Variants in CCDC3 observed in about 807,000 individuals in gnomAD.
CCDC3 encodes coiled-coil domain containing 3.
A neutral mutation model predicts 21.4 loss-of-function variants in CCDC3; 24 were observed. That is an observed-to-expected ratio of 1.12 (90% CI 0.81 to 1.58). The LOEUF (loss-of-function observed/expected upper bound fraction) is 1.58. Among genes scored for constraint, CCDC3 ranks in the 40% most tolerant of loss-of-function variants. The pLI is 0.00. For synonymous variants in CCDC3, 186 were observed against 166.0 expected (o/e 1.12, Z -0.93); for missense variants, 425 against 360.9 (o/e 1.18, Z -1.44).
At chr10:12,943,571 G>A (rs537881421) in intron 2 of CCDC3, among the ~76,000 whole-genome samples, 54 of 152,034 alleles carry the variant, frequency 3.6e-4, no homozygotes, top group East Asian at 1.7e-3. Flanking sequence ...TTTCTTTGTC[G>A]CCACATGTGC....
intron 2 of CCDC3, among the ~76,000 whole-genome samples, chr10:13,098,874 G>T (rs1007817454): frequency 1.3e-5 from 2 of 151,556 alleles, no homozygotes; most frequent in African/African-American, 4.9e-5. Context: ...GTACCATCAT[G>T]CCCGGCTAAT....
chr10:13,037,981 G>C (rs1019875941), intron 5 of CCDC3, among the ~76,000 whole-genome samples: 1 of 152,042 alleles, frequency 6.6e-6, no homozygotes, highest in Admixed American at 6.6e-5. Flanking sequence ...CCCCAGCCAG[G>C]TCTCCAACAG....
Position 13,058,311 on chromosome 10 carries a change from CTTGGCCTTCAT to C in CCDC3, c.-269-8381_-269-8371del, listed in dbSNP as rs1044955573. On this transcript the variant is annotated intron_variant, in intron 4 of 6. Transcript: ENST00000378839. ...TCGTATTCATCGCCAGTCACCTTCACTTGGCCTTCATAGATCTTGTCCATGCCAAACCTACT... is the reference window on the plus strand; with the variant it reads ...TCGTATTCATCGCCAGTCACCTTCACAGATCTTGTCCATGCCAAACCTACT... The C allele has an allele frequency of 1.0e-5, 14 of 1,356,764 alleles. No homozygotes were observed. In the African/African-American group the frequency reaches 1.6e-4, roughly 15 times the overall value. The allele number at this position is 1,356,764 out of a possible 1,614,324, so 84.0% of individuals were successfully genotyped here. A position where few individuals can be genotyped will look rare whatever the true frequency, so the allele number is the denominator to read the frequency against.
chr10:13,016,292 C>G (rs1208756768), intron 5 of CCDC3, among the ~76,000 whole-genome samples: 2 of 120,444 alleles, frequency 1.7e-5, no homozygotes, highest in African/African-American at 3.2e-5. Flanking sequence ...GAGTTGAGCT[C>G]AAGATTTTCT....
rs567438415 is a variant in CCDC3, at chr10:13,052,128, G to T, written c.-269-2187C>A. ...GGCGGCACACACCTGTGATCCCAGC[G>T]CTTTGAGAGGCTGAGAAGCAGGGAT... On this transcript the variant is annotated intron_variant, in intron 4 of 6. Transcript: ENST00000378839. Among the ~76,000 whole-genome samples, 59 of 152,206 alleles carry T rather than the reference G, an allele frequency of 3.9e-4. 1 individual carries two copies. The South Asian group carries it at 6.0e-3, about 16-fold the overall frequency.
At chr10:13,014,127 G>T (rs1404544596) in intron 5 of CCDC3, among the ~76,000 whole-genome samples, 2 of 151,842 alleles carry the variant, frequency 1.3e-5, no homozygotes, top group African/African-American at 2.4e-5. Context: ...CTCCAGCCTG[G>T]GTGACAAAGT....
At chr10:12,998,597 G>C in intron 1 of CCDC3, 85 bp from the exon 2 acceptor site, 2 of 1,282,810 alleles carry the variant, frequency 1.6e-6, no homozygotes, top group Non-Finnish European at 2.2e-6. Context: ...CAACTGCAAC[G>C]GGCTTGCCAA....
chr10:12,993,911 G>A lies in CCDC3; in HGVS notation c.549+4427C>T, dbSNP rs373191685. ...CTGAGTTGAATGTCACCCTGCATAT[G>A]CTTTGCAAAAGTTTCCCTCCGTAAG... On this transcript the variant is annotated intron_variant, in intron 2 of 2. Coordinates refer to ENST00000378825, the MANE Select transcript of CCDC3 (RefSeq NM_031455.4). 1.1e-4 allele frequency among the ~76,000 whole-genome samples: 17 copies of A among 152,310 alleles called. No individual in the cohort carries two copies. The East Asian group carries it at 1.4e-3, about 12-fold the overall frequency.
intron 2 of CCDC3, among the ~76,000 whole-genome samples, chr10:12,977,146 G>A (rs10796001): frequency 0.57 from 86,764 of 151,972 alleles, 24,809 homozygotes; most frequent in South Asian, 0.67. Context: ...ATGGTGGCGA[G>A]TGCCTGTAAC....
intron 4 of CCDC3, among the ~76,000 whole-genome samples, chr10:13,057,536 C>A (rs192017143): frequency 6.7e-6 from 1 of 150,220 alleles, no homozygotes; most frequent in African/African-American, 2.4e-5. Context: ...TGCTTTTTTT[C>A]TTTTCTGTCA....
At position 13,014,908 on chromosome 10, in the gene CCDC3, T is replaced by C. The variant is rs1432462903; in HGVS notation, c.-1-16396A>G. 2.6e-5 allele frequency among the ~76,000 whole-genome samples: 4 copies of C among 152,118 alleles called. No homozygotes were observed. In the East Asian group the frequency reaches 7.7e-4, roughly 29 times the overall value. On this transcript the variant is annotated intron_variant, in intron 5 of 6. Transcript: ENST00000378839. ...GTAATTGTGCAAGAATCAACAGTCA[T>C]ATCAGGAGAATAAAACAAATCTTCG... is the stretch of plus-strand genomic sequence containing the variant.
In CCDC3 at chr10:12,898,605, G is replaced by A; in HGVS notation, c.624C>T (p.Ala208=). 3 of 1,614,180 alleles carry A rather than the reference G, an allele frequency of 1.9e-6. No homozygotes were observed. The highest frequency in any genetic ancestry group is 2.5e-6 in the Non-Finnish European group (3 of 1,180,034). ...GCTGCCGGTTGCGCTTCTCCAGGGTGGCCACTTTCTGCTGCAGTTTCTTGA... is the reference window on the plus strand; with the variant it reads ...GCTGCCGGTTGCGCTTCTCCAGGGTAGCCACTTTCTGCTGCAGTTTCTTGA... ...DHVKKLQQKV[A]TLEKRNRQLR... The change falls in exon 3 of 3, where the codon GCC becomes GCT. Residue 208 remains alanine, a synonymous_variant. Coordinates refer to ENST00000378825, the MANE Select transcript of CCDC3 (RefSeq NM_031455.4).
intron 2 of CCDC3, among the ~76,000 whole-genome samples, chr10:12,963,238 C>G (rs11258090): frequency 0.42 from 63,367 of 151,960 alleles, 13,379 homozygotes; most frequent in Middle Eastern, 0.53. Context: ...CAAACATAGG[C>G]CAACTGCTCA....
intron 2 of CCDC3, among the ~76,000 whole-genome samples, chr10:12,913,952 G>A (rs1430607991): frequency 1.3e-5 from 2 of 152,146 alleles, no homozygotes; most frequent in Non-Finnish European, 2.9e-5. Flanking sequence ...CATGGCAAAT[G>A]ATCCTTTTAA....
intron 2 of CCDC3, 89 bp from the exon 3 acceptor site, chr10:12,898,768 T>G: frequency 6.7e-7 from 1 of 1,482,630 alleles, no homozygotes; most frequent in Non-Finnish European, 9.1e-7. Context: ...CCCCGAGTGC[T>G]GACAGCAACA....
At chr10:13,004,661 A>C (rs143910132), upstream of CCDC3, among the ~76,000 whole-genome samples, 3 of 149,638 alleles carry the variant, frequency 2.0e-5, no homozygotes, top group African/African-American at 7.4e-5. Context: ...TAGGGGATCC[A>C]TGTTGGCCTC....
At chr10:12,912,184 G>A (rs1414635004) in intron 2 of CCDC3, among the ~76,000 whole-genome samples, 3 of 152,090 alleles carry the variant, frequency 2.0e-5, no homozygotes, top group Non-Finnish European at 4.4e-5. Flanking sequence ...CAGTAGCTCT[G>A]TTCTTAATTT....
intron 4 of CCDC3, among the ~76,000 whole-genome samples, chr10:13,064,816 G>A (rs1202117540): frequency 1.3e-5 from 2 of 152,068 alleles, no homozygotes; most frequent in Non-Finnish European, 2.9e-5. Context: ...GACATACACT[G>A]GTTCTGTCCT....
At chr10:13,038,178 G>A (rs369219054) in intron 5 of CCDC3, among the ~76,000 whole-genome samples, 11 of 152,168 alleles carry the variant, frequency 7.2e-5, no homozygotes, top group East Asian at 3.9e-4. Flanking sequence ...GACACATGGC[G>A]GGGAAAAACA....
Sources: allele counts gnomAD v4.1 joint callset (sites outside exome capture counted in the v4.1 genomes callset), GRCh38; gene constraint gnomAD v4.1.1; transcripts MANE v1.5; gene names NCBI Gene and HGNC (gene_info 2026-07-23, HGNC 2026-07-21).